The following PTPRZ1 variants were observed in gnomAD, a reference collection of about 807,000 sequenced individuals.
PTPRZ1 encodes the protein protein tyrosine phosphatase receptor type Z1, also known as receptor-type tyrosine-protein phosphatase zeta.
PTPRZ1 carries 82 observed loss-of-function variants against 214.1 expected under a neutral mutation model. That is an observed-to-expected ratio of 0.38 (90% CI 0.32 to 0.46). The LOEUF is 0.46. Among genes scored for constraint, PTPRZ1 ranks in the 20% least tolerant of loss-of-function variants. PTPRZ1 has a pLI of 1.00. For synonymous variants in PTPRZ1, 945 were observed against 987.9 expected, an observed-to-expected ratio of 0.96 and a Z score of 0.81; for missense variants, 2,603 against 2,748.7, an observed-to-expected ratio of 0.95 and a Z score of 1.19.
At chr7:121,916,288 AAAG>A (rs1485139998) in intron 1 of PTPRZ1, among the ~76,000 whole-genome samples, 1 of 151,824 alleles carries the variant, frequency 6.6e-6, no homozygotes, top group Non-Finnish European at 1.5e-5. Flanking sequence ...AAAAAAAAAA[AAAG>A]TTCATTTTTA....
intron 2 of PTPRZ1, among the ~76,000 whole-genome samples, chr7:121,949,914 T>C (rs1289429564): frequency 6.6e-6 from 1 of 152,132 alleles, no homozygotes; most frequent in Non-Finnish European, 1.5e-5. Flanking sequence ...TAAATATAAG[T>C]AGAAAAACCT....
At chr7:121,943,738 T>C (rs1796298914) in intron 2 of PTPRZ1, among the ~76,000 whole-genome samples, 1 of 152,170 alleles carries the variant, frequency 6.6e-6, no homozygotes, top group Admixed American at 6.5e-5. Flanking sequence ...ATTTTCAGAG[T>C]TTCTGATTCA....
intron 1 of PTPRZ1, among the ~76,000 whole-genome samples, chr7:121,880,905 G>C (rs1333079425): frequency 6.6e-6 from 1 of 152,084 alleles, no homozygotes; most frequent in Non-Finnish European, 1.5e-5. Context: ...GGAGCATGTG[G>C]GATATTATTG....
At position 122,051,539 on chromosome 7, in the gene PTPRZ1, T is replaced by C; in HGVS notation, c.6178+18T>C. The C allele has an allele frequency of 6.3e-7, 1 of 1,589,168 alleles. No individual in the cohort carries two copies. On this transcript the variant is annotated intron_variant, in intron 24 of 29. Coordinates refer to ENST00000393386, the MANE Select transcript of PTPRZ1 (RefSeq NM_002851.3). Reference sequence around the variant, plus strand: ...CATCCCTGGTAAGTTGTGTTGATCCTTGAAAAAACAACTTTTTTAAAATAA... The same window carrying C: ...CATCCCTGGTAAGTTGTGTTGATCCCTGAAAAAACAACTTTTTTAAAATAA...
intron 8 of PTPRZ1, among the ~76,000 whole-genome samples, chr7:121,985,740 C>G (rs1399809961): frequency 6.6e-6 from 1 of 152,208 alleles, no homozygotes; most frequent in African/African-American, 2.4e-5. Context: ...ACTGCACACT[C>G]AAGGAGACAC....
intron 1 of PTPRZ1, among the ~76,000 whole-genome samples, chr7:121,886,298 A>C (rs1794395214): frequency 6.6e-6 from 1 of 152,140 alleles, no homozygotes; most frequent in African/African-American, 2.4e-5. Flanking sequence ...CTGGAGTTTA[A>C]ATTCCTACTG....
intron 6 of PTPRZ1, among the ~76,000 whole-genome samples, chr7:121,978,187 C>T (rs1797499839): frequency 6.6e-6 from 1 of 152,172 alleles, no homozygotes; most frequent in Non-Finnish European, 1.5e-5. Flanking sequence ...ACTACATATT[C>T]TCTCCCTTTC....
intron 1 of PTPRZ1, among the ~76,000 whole-genome samples, chr7:121,886,495 G>C (rs1002067385): frequency 8.1e-6 from 1 of 123,920 alleles, no homozygotes; most frequent in African/African-American, 3.6e-5. Flanking sequence ...CACACACACA[G>C]CCGTAAAAAT....
chr7:121,959,490 T>C (rs1331461257), intron 2 of PTPRZ1, among the ~76,000 whole-genome samples: 2 of 152,250 alleles, frequency 1.3e-5, no homozygotes, highest in African/African-American at 4.8e-5. Context: ...ATCCTCATTC[T>C]TATTTTCAAC....
chr7:122,034,420 C>T, intron 17 of PTPRZ1, 42 bp downstream of exon 17: 1 of 1,571,074 alleles, frequency 6.4e-7, no homozygotes, highest in Non-Finnish European at 8.7e-7. Flanking sequence ...AATATCATTG[C>T]CATTTTGGTG....
chr7:121,937,881 A>T (rs886163482), intron 2 of PTPRZ1, among the ~76,000 whole-genome samples: 1 of 152,186 alleles, frequency 6.6e-6, no homozygotes, highest in African/African-American at 2.4e-5. Context: ...TAAAGTGTAG[A>T]GATCTGAGCC....
At chr7:121,889,577 C>T (rs1416828458) in intron 1 of PTPRZ1, among the ~76,000 whole-genome samples, 1 of 152,120 alleles carries the variant, frequency 6.6e-6, no homozygotes, top group Non-Finnish European at 1.5e-5. Flanking sequence ...GCTATTATTT[C>T]TACCATTAGA....
chr7:122,007,046 G>A lies in PTPRZ1; in HGVS notation c.1287+2386G>A, dbSNP rs535024665. Among the ~76,000 whole-genome samples the A allele has an allele frequency of 6.6e-5, 10 of 152,102 alleles. No homozygotes were observed. The East Asian group carries it at 1.9e-3, about 29-fold the overall frequency. On this transcript the variant is annotated intron_variant, in intron 11 of 29. Coordinates refer to ENST00000393386, the MANE Select transcript of PTPRZ1 (RefSeq NM_002851.3). ...TCCCAAGGAATAACCACATTATCTG[G>A]CCACCCGCCTAGAATGAATGGAGAC...
intron 2 of PTPRZ1, 34 bp downstream of exon 2, chr7:121,928,255 G>C (rs1795823035): frequency 1.3e-6 from 2 of 1,488,994 alleles, no homozygotes; most frequent in African/African-American, 1.4e-5. Flanking sequence ...AGATTTAGCA[G>C]AAACTTTTAT....
intron 23 of PTPRZ1, among the ~76,000 whole-genome samples, chr7:122,045,683 T>TACACGC (rs139042004): frequency 3.4e-5 from 5 of 146,610 alleles, no homozygotes; most frequent in Admixed American, 6.8e-5. Context: ...CTAAATAAAT[T>TACACGC]ACACACACAC....
At position 122,031,812 on chromosome 7, in the gene PTPRZ1, A is replaced by G. The variant is rs549243148; in HGVS notation, c.5166+253A>G. 276 of 222,420 alleles carry G rather than the reference A, an allele frequency of 1.2e-3. 1 individual carries two copies. Among genetic ancestry groups the G allele is most frequent in the Middle Eastern group, 3.2e-3 (2 of 626 alleles). 13.8% of individuals were successfully genotyped at this position (222,420 alleles called of 1,614,324 possible). On this transcript the variant is annotated intron_variant, in intron 15 of 29. Transcript: ENST00000393386. ...AAACATTGTTCATTTTCTTCCATAA[A>G]GTACAAATCTTTAATATTCTTTTTT... is the stretch of plus-strand genomic sequence containing the variant.
At position 122,013,148 on chromosome 7, in the gene PTPRZ1, C is replaced by T; in HGVS notation, c.4102C>T (p.Pro1368Ser). The change falls in exon 12 of 30, where the codon CCT (proline) becomes TCT (serine). Residue 1368 changes from proline (P) to serine (S), a missense_variant. By Grantham distance (74) the Pro-to-Ser change is moderately conservative. Around this residue, in one of 6 missense-constraint regions of PTPRZ1, gnomAD observed 1,913 missense variants for 1,914.3 expected, o/e 1.00. Transcript: ENST00000393386. ...ATTTGTATCTACTGATCATTCTGTT[C>T]CTATAGGAAATGGGCATGTTGCCAT... ...DTFVSTDHSV[P>S]IGNGHVAITA... 2 of 1,613,950 alleles carry T rather than the reference C, an allele frequency of 1.2e-6. No homozygotes were observed. The highest frequency in any genetic ancestry group is 8.5e-7 in the Non-Finnish European group (1 of 1,179,832).
rs1005136857 is a variant in PTPRZ1, at chr7:122,011,156, T to A, written c.2110T>A (p.Ser704Thr). 1 of 1,613,986 alleles carries A rather than the reference T, an allele frequency of 6.2e-7. No individual in the cohort carries two copies. Among genetic ancestry groups the A allele is most frequent in the African/African-American group, 1.3e-5 (1 of 74,934 alleles). The change falls in exon 12 of 30, where the codon TCA becomes ACA. Residue 704 changes from serine (S) to threonine (T), a missense_variant. By Grantham distance (58) the Ser-to-Thr change is moderately conservative (BLOSUM62 1). Transcript: ENST00000393386. ...AGGCCCAGTGATGTCACAGGGTCCCTCAGTTACAGATCTGGAAATGCCACA... is the reference window on the plus strand; with the variant it reads ...AGGCCCAGTGATGTCACAGGGTCCCACAGTTACAGATCTGGAAATGCCACA... The part of the protein sequence containing the change: ...SAGPVMSQGP[S>T]VTDLEMPHYS...
intron 2 of PTPRZ1, among the ~76,000 whole-genome samples, chr7:121,932,020 T>G (rs1795940973): frequency 6.6e-6 from 1 of 152,126 alleles, no homozygotes. Context: ...GTGAATTGCT[T>G]TATTTATATT....
Sources: allele counts gnomAD v4.1 joint callset (sites outside exome capture counted in the v4.1 genomes callset), GRCh38; gene constraint gnomAD v4.1.1; regional missense constraint gnomAD v4.1.1; transcripts MANE v1.5; gene names NCBI Gene and HGNC (gene_info 2026-07-23, HGNC 2026-07-21).